PARD3: variants seen among roughly 807,000 people sequenced by gnomAD.
PARD3 encodes partitioning defective 3 homolog.
Under a neutral mutation model 155.4 loss-of-function variants are expected in PARD3, and 75 were observed. That is an observed-to-expected ratio of 0.48 (90% CI 0.40 to 0.58). The LOEUF is 0.58. Among genes scored for constraint, PARD3 ranks in the 20% least tolerant of loss-of-function variants. The pLI, the probability that PARD3 is intolerant of heterozygous loss-of-function variation, is 0.00. For synonymous variants in PARD3, 576 were observed against 610.5 expected, an observed-to-expected ratio of 0.94 and a Z score of 0.83; for missense variants, 1,642 against 1,721.7, an observed-to-expected ratio of 0.95 and a Z score of 0.82.
intron 1 of PARD3, among the ~76,000 whole-genome samples, chr10:34,767,393 G>A (rs1838231467): frequency 6.6e-6 from 1 of 152,050 alleles, no homozygotes. Flanking sequence ...GTGTGCTCAG[G>A]GTAGGGGAGA....
At chr10:34,416,217 T>C (rs993622644) in intron 5 of PARD3, among the ~76,000 whole-genome samples, 4 of 152,182 alleles carry the variant, frequency 2.6e-5, no homozygotes, top group African/African-American at 7.2e-5. Context: ...TAGAGTTTAC[T>C]GGGGAAGGTG....
At chr10:34,352,270 T>C (rs982742357) in intron 14 of PARD3, among the ~76,000 whole-genome samples, 5 of 152,210 alleles carry the variant, frequency 3.3e-5, no homozygotes, top group East Asian at 3.8e-4. Context: ...TCCATTCCAC[T>C]CCAGTCTCGT....
intron 12 of PARD3, among the ~76,000 whole-genome samples, chr10:34,368,719 T>G (rs1393055197): frequency 6.6e-6 from 1 of 151,554 alleles, no homozygotes; most frequent in African/African-American, 2.4e-5. Flanking sequence ...CAGGAGAAAG[T>G]ATTTGCAAAA....
At chr10:34,141,355 A>T (rs1948179292) in intron 22 of PARD3, among the ~76,000 whole-genome samples, 2 of 152,238 alleles carry the variant, frequency 1.3e-5, no homozygotes, top group Non-Finnish European at 2.9e-5. Context: ...TCATTTCCAG[A>T]TTCTGACACC....
chr10:34,179,331 C>T (rs539126212), intron 22 of PARD3, among the ~76,000 whole-genome samples: 19 of 152,306 alleles, frequency 1.2e-4, no homozygotes, highest in African/African-American at 4.3e-4. Flanking sequence ...GTGAATGCTG[C>T]TCCTTCTCCA....
At chr10:34,544,428 T>C (rs567680369) in intron 2 of PARD3, among the ~76,000 whole-genome samples, 4 of 152,298 alleles carry the variant, frequency 2.6e-5, no homozygotes, top group African/African-American at 9.6e-5. Context: ...TGGCACTATA[T>C]AATATCAAGT....
chr10:34,139,540 G>T (rs1337791460), intron 22 of PARD3, among the ~76,000 whole-genome samples: 1 of 152,180 alleles, frequency 6.6e-6, no homozygotes, highest in African/African-American at 2.4e-5. Flanking sequence ...TTGTACCAAT[G>T]GTTAAGTCCA....
chr10:34,641,850 G>A (rs1564451374), intron 2 of PARD3, among the ~76,000 whole-genome samples: 3 of 152,194 alleles, frequency 2.0e-5, no homozygotes, highest in Non-Finnish European at 4.4e-5. Context: ...AAATACAGGT[G>A]CATGAGGCAT....
At chr10:34,344,862 T>C (rs1837235037) in intron 15 of PARD3, 11 of 985,414 alleles carry the variant, frequency 1.1e-5, no homozygotes, top group Non-Finnish European at 1.2e-5. Context: ...CAAATTTTGG[T>C]TCAGAAGTAC....
chr10:34,576,546 C>T (rs537727753), intron 2 of PARD3, among the ~76,000 whole-genome samples: 1 of 151,948 alleles, frequency 6.6e-6, no homozygotes, highest in Non-Finnish European at 1.5e-5. Context: ...TTTTTTGGAC[C>T]ATATAAAATT....
Position 34,540,072 on chromosome 10 carries a change from G to A in PARD3, c.223-22913C>T, listed in dbSNP as rs545179453. On this transcript the variant is annotated intron_variant, in intron 2 of 24. Coordinates refer to ENST00000374788, the MANE Select transcript of PARD3 (RefSeq NM_001184785.2). ...AGTCCCTGGAACAGAAGCCTCAGGA[G>A]CCACCGTGTCCTTTCCCAGGGTCGT... 5.9e-5 allele frequency among the ~76,000 whole-genome samples: 9 copies of A among 152,282 alleles called. No individual in the cohort carries two copies. In the East Asian group the frequency reaches 1.4e-3, roughly 23 times the overall value.
intron 22 of PARD3, among the ~76,000 whole-genome samples, chr10:34,257,046 A>C (rs1281814284): frequency 6.6e-6 from 1 of 152,174 alleles, no homozygotes; most frequent in East Asian, 1.9e-4. Context: ...TAGTTACACA[A>C]AATCAACCAA....
At chr10:34,380,447 T>C (rs1841709934) in intron 9 of PARD3, among the ~76,000 whole-genome samples, 1 of 152,154 alleles carries the variant, frequency 6.6e-6, no homozygotes, top group Non-Finnish European at 1.5e-5. Context: ...GCTATTAAAA[T>C]AATATCTGTA....
chr10:34,312,233 A>T (rs1957738222), intron 20 of PARD3: 1 of 1,567,578 alleles, frequency 6.4e-7, no homozygotes, highest in African/African-American at 1.4e-5. Flanking sequence ...CTGATGTCGT[A>T]AACAAAATTC....
chr10:34,227,976 A>G (rs1299881486), intron 22 of PARD3, among the ~76,000 whole-genome samples: 3 of 150,662 alleles, frequency 2.0e-5, no homozygotes, highest in Admixed American at 2.0e-4. Context: ...TGTTTATCAT[A>G]GCACTATTTA....
At chr10:34,696,140 G>A (rs17571153) in intron 2 of PARD3, among the ~76,000 whole-genome samples, 178 bp downstream of exon 2, 3,394 of 152,082 alleles carry the variant, frequency 0.022, 57 homozygotes, top group Middle Eastern at 0.037. Context: ...TTATACCTTG[G>A]TATTCAGGAC....
intron 22 of PARD3, among the ~76,000 whole-genome samples, chr10:34,259,573 A>G (rs1954845347): frequency 6.6e-6 from 1 of 152,142 alleles, no homozygotes; most frequent in Non-Finnish European, 1.5e-5. Flanking sequence ...AAACCTCCCC[A>G]TTTGAAGGTC....
chr10:34,313,740 T>C (rs192052879), intron 20 of PARD3, among the ~76,000 whole-genome samples: 1 of 152,166 alleles, frequency 6.6e-6, no homozygotes, highest in Non-Finnish European at 1.5e-5. Flanking sequence ...GTAGGAATAG[T>C]GTATGAGTGG....
chr10:34,638,328 T>C (rs2132904821), intron 2 of PARD3, among the ~76,000 whole-genome samples: 1 of 152,264 alleles, frequency 6.6e-6, no homozygotes, highest in Admixed American at 6.5e-5. Flanking sequence ...ATTTCCTTTA[T>C]ATAACTCAAA....
Sources: gnomAD v4.1 joint callset for allele counts (sites outside exome capture counted in the v4.1 genomes callset) on GRCh38, gnomAD v4.1.1 for gene constraint, MANE v1.5 for transcripts, NCBI Gene and HGNC (gene_info 2026-07-23, HGNC 2026-07-21) for gene names.